SIPA1L1: variants seen among roughly 807,000 people sequenced by gnomAD.
The protein encoded by SIPA1L1 is signal-induced proliferation-associated 1-like protein 1.
In SIPA1L1, 26 loss-of-function variants were observed where a neutral mutation model predicts 162.7. That is an observed-to-expected ratio of 0.16 (90% CI 0.12 to 0.22). SIPA1L1 has a LOEUF of 0.22. SIPA1L1 is among the 10% of genes least tolerant of loss of function. SIPA1L1 has a pLI of 1.00. For synonymous variants in SIPA1L1, 829 were observed against 837.4 expected (o/e 0.99, Z 0.17); for missense variants, 1,874 against 2,241.0 (o/e 0.84, Z 3.31).
intron 4 of SIPA1L1, among the ~76,000 whole-genome samples, chr14:71,556,392 A>G (rs1157701447): frequency 6.6e-6 from 1 of 152,166 alleles, no homozygotes; most frequent in Non-Finnish European, 1.5e-5. Flanking sequence ...TTCCAACACT[A>G]TCCACCCTAA....
At chr14:71,629,559 C>T (rs1458096880) in intron 7 of SIPA1L1, among the ~76,000 whole-genome samples, 2 of 152,086 alleles carry the variant, frequency 1.3e-5, no homozygotes, top group East Asian at 3.8e-4. Flanking sequence ...ATATGTTAAA[C>T]CCAAATAAAA....
At position 71,723,655 on chromosome 14, in the gene SIPA1L1, G is replaced by A. The variant is rs1375722467; in HGVS notation, c.4217G>A (p.Ser1406Asn). 1.3e-5 allele frequency: 21 copies of A among 1,614,184 alleles called. No homozygotes were observed. Among genetic ancestry groups the A allele is most frequent in the Non-Finnish European group, 1.6e-5 (19 of 1,180,034 alleles). Reference protein sequence around the residue: ...NDAASHTSTMSSRHSASPVVF... With the variant: ...NDAASHTSTMNSRHSASPVVF... ...GCCCTGCTTCTCCTCAGTACCATGAGCTCCCGACACTCTGCCAGCCCAGTG... is the reference window on the plus strand; with the variant it reads ...GCCCTGCTTCTCCTCAGTACCATGAACTCCCGACACTCTGCCAGCCCAGTG... Residue 1406 changes from serine (S) to asparagine (N), a missense_variant, in exon 18 of 24, where the codon AGC (serine) becomes AAC (asparagine). By Grantham distance (46) the Ser-to-Asn change is conservative. This residue lies in a region of SIPA1L1 where 936 missense variants were observed against 1,051.9 expected (regional missense o/e 0.89). Coordinates refer to ENST00000381232, the MANE Select transcript of SIPA1L1 (RefSeq NM_001386936.1).
At chr14:71,614,076 T>C (rs997137183) in intron 5 of SIPA1L1, among the ~76,000 whole-genome samples, 2 of 152,116 alleles carry the variant, frequency 1.3e-5, no homozygotes, top group African/African-American at 4.8e-5. Context: ...GGCACGTGCC[T>C]GTAGTCCCAG....
At chr14:71,684,403 C>G (rs1325348037) in intron 12 of SIPA1L1, among the ~76,000 whole-genome samples, 1 of 152,280 alleles carries the variant, frequency 6.6e-6, no homozygotes, top group Non-Finnish European at 1.5e-5. Flanking sequence ...GTCTCACCTT[C>G]CCTCCCCGCG....
chr14:71,554,104 G>C (rs1284700332), intron 4 of SIPA1L1, among the ~76,000 whole-genome samples: 2 of 152,092 alleles, frequency 1.3e-5, no homozygotes, highest in African/African-American at 4.8e-5. Flanking sequence ...TAGTTTGTAG[G>C]AACATGGTAC....
At chr14:71,402,610 A>G (rs1037215678) in intron 2 of SIPA1L1, among the ~76,000 whole-genome samples, 2 of 152,102 alleles carry the variant, frequency 1.3e-5, no homozygotes, top group East Asian at 3.9e-4. Context: ...TGGCCTCTCA[A>G]AGTGCTGGGA....
chr14:71,332,398 T>C (rs1313447144), intron 2 of SIPA1L1, among the ~76,000 whole-genome samples: 1 of 152,164 alleles, frequency 6.6e-6, no homozygotes, highest in Non-Finnish European at 1.5e-5. Flanking sequence ...AGGCCACCTG[T>C]TTTGGTGCAA....
chr14:71,732,473 C>T (rs2150358366), intron 20 of SIPA1L1, among the ~76,000 whole-genome samples: 1 of 152,238 alleles, frequency 6.6e-6, no homozygotes, highest in Admixed American at 6.5e-5. Context: ...CCCCAGCAGC[C>T]CGCCCTTCCT....
At chr14:71,654,641 A>G (rs1047771011) in intron 8 of SIPA1L1, among the ~76,000 whole-genome samples, 1 of 152,198 alleles carries the variant, frequency 6.6e-6, no homozygotes, top group African/African-American at 2.4e-5. Context: ...TCATAAAGAA[A>G]GATTTGGAGG....
At position 71,724,772 on chromosome 14, in the gene SIPA1L1, A is replaced by G; in HGVS notation, c.4551A>G (p.Glu1517=). 1 of 1,614,204 alleles carries G rather than the reference A, an allele frequency of 6.2e-7. No homozygotes were observed. The highest frequency in any genetic ancestry group is 8.5e-7 in the Non-Finnish European group (1 of 1,180,024). ...SPKPTSKSTI[E]EDLKKLIDLE... is the part of the protein sequence containing the mutation. ...AGCCAACCTCCAAGTCCACCATTGA[A>G]GAAGATCTAAAGAAACTAATTGATC... The change falls in exon 19 of 24, where the codon GAA becomes GAG. Residue 1517 remains glutamate (E), a synonymous_variant. Coordinates refer to ENST00000381232, the MANE Select transcript of SIPA1L1 (RefSeq NM_001386936.1).
In SIPA1L1 at chr14:71,642,149, A is replaced by G. The variant is rs191408141; in HGVS notation, c.1819-8186A>G. ...ACAAAACAATGAAACAATGGTTTTT[A>G]TAATGTTGGACATCAGGCATTGAAG... On this transcript the variant is annotated intron_variant, in intron 7 of 23. Coordinates refer to ENST00000381232, the MANE Select transcript of SIPA1L1 (RefSeq NM_001386936.1). 1.8e-3 allele frequency among the ~76,000 whole-genome samples: 270 copies of G among 152,364 alleles called. 2 individuals carry two copies. The highest frequency in any genetic ancestry group is 6.4e-3 in the African/African-American group (267 of 41,594).
At chr14:71,481,731 G>A (rs1269112863) in intron 2 of SIPA1L1, among the ~76,000 whole-genome samples, 1 of 152,178 alleles carries the variant, frequency 6.6e-6, no homozygotes, top group Non-Finnish European at 1.5e-5. Flanking sequence ...TTAAAAATTA[G>A]TGAGGGGGAA....
intron 2 of SIPA1L1, among the ~76,000 whole-genome samples, chr14:71,439,750 C>T (rs929811448): frequency 3.9e-5 from 6 of 152,108 alleles, no homozygotes; most frequent in Non-Finnish European, 7.4e-5. Flanking sequence ...TTAGGTAAAA[C>T]GTTTTCTTTT....
At chr14:71,579,855 C>T (rs932530825) in intron 4 of SIPA1L1, among the ~76,000 whole-genome samples, 1 of 152,092 alleles carries the variant, frequency 6.6e-6, no homozygotes, top group African/African-American at 2.4e-5. Context: ...AATAAGAAAA[C>T]TGCACTATCC....
intron 2 of SIPA1L1, among the ~76,000 whole-genome samples, chr14:71,415,521 G>T (rs947253297): frequency 6.6e-6 from 1 of 152,174 alleles, no homozygotes; most frequent in Non-Finnish European, 1.5e-5. Flanking sequence ...AATGCTCTGT[G>T]AATGTAGCTC....
chr14:71,627,464 C>T (rs2040144271), intron 7 of SIPA1L1, among the ~76,000 whole-genome samples: 1 of 151,932 alleles, frequency 6.6e-6, no homozygotes, highest in Non-Finnish European at 1.5e-5. Flanking sequence ...CTTAGTGATG[C>T]CCATGTCAGT....
intron 2 of SIPA1L1, among the ~76,000 whole-genome samples, chr14:71,505,993 C>T (rs1032910725): frequency 1.5e-5 from 2 of 132,404 alleles, no homozygotes; most frequent in Non-Finnish European, 3.2e-5. Context: ...CCCACGAAAA[C>T]GTAAATTCTG....
chr14:71,509,744 C>CA (rs200495533), intron 2 of SIPA1L1, among the ~76,000 whole-genome samples: 42,624 of 113,476 alleles, frequency 0.38, 6,999 homozygotes, highest in East Asian at 0.7. Flanking sequence ...AACTCCATCT[C>CA]AAAAAAAAAA....
chr14:71,544,122 T>C (rs922781331), intron 4 of SIPA1L1, among the ~76,000 whole-genome samples: 1 of 150,738 alleles, frequency 6.6e-6, no homozygotes, highest in Admixed American at 6.6e-5. Context: ...TACACATATA[T>C]GCACGTGTAT....
Sources: gnomAD v4.1 joint callset for allele counts (sites outside exome capture counted in the v4.1 genomes callset) on GRCh38, gnomAD v4.1.1 for gene constraint, gnomAD v4.1.1 regional missense constraint, MANE v1.5 for transcripts, NCBI Gene and HGNC (gene_info 2026-07-23, HGNC 2026-07-21) for gene names.